Variants in P3H2 observed in about 807,000 individuals in gnomAD.
P3H2 encodes the protein leprecan-like 1.
A neutral mutation model predicts 87.0 loss-of-function variants in P3H2; 80 were observed. The ratio of observed to expected loss-of-function variants is 0.92; its 90% CI spans 0.77 to 1.11. The LOEUF (loss-of-function observed/expected upper bound fraction) is 1.11. P3H2 is among the 50% of genes least tolerant of loss of function. P3H2 has a pLI of 0.00. For synonymous variants in P3H2, 367 were observed against 359.3 expected (o/e 1.02, Z -0.24); for missense variants, 1,001 against 923.9 (o/e 1.08, Z -1.08).
chr3:189,972,817 G>A (rs960420189), intron 11 of P3H2, 57 bp downstream of exon 11: 1 of 1,587,202 alleles, frequency 6.3e-7, no homozygotes, highest in African/African-American at 1.3e-5. Context: ...GTTTTGCCTT[G>A]TTTCATTTCC....
At chr3:189,986,372 G>A (rs1413594578) in intron 6 of P3H2, among the ~76,000 whole-genome samples, 1 of 152,078 alleles carries the variant, frequency 6.6e-6, no homozygotes, top group African/African-American at 2.4e-5. Flanking sequence ...ATCACCTGAG[G>A]TCAGGAGTCC....
At chr3:190,017,292 A>G (rs896629825) in intron 1 of P3H2, among the ~76,000 whole-genome samples, 2 of 152,178 alleles carry the variant, frequency 1.3e-5, no homozygotes, top group African/African-American at 4.8e-5. Context: ...AATTCTATTT[A>G]GTAATATAAA....
chr3:189,974,487 C>A, intron 9 of P3H2, 71 bp downstream of exon 9: 1 of 1,599,646 alleles, frequency 6.3e-7, no homozygotes. Flanking sequence ...CCAGATGAGA[C>A]CAGGACCAAA....
intron 3 of P3H2, among the ~76,000 whole-genome samples, chr3:189,990,924 T>C (rs191274140): frequency 1.3e-5 from 2 of 152,314 alleles, no homozygotes; most frequent in East Asian, 3.9e-4. Context: ...TCACTAAATA[T>C]TCATCTGTGG....
chr3:189,971,854 G>A (rs567017450), intron 12 of P3H2, 36 bp downstream of exon 12: 1 of 1,271,986 alleles, frequency 7.9e-7, no homozygotes, highest in Non-Finnish European at 1.2e-6. Flanking sequence ...AAACTGTTAG[G>A]TAAAAGCTTT....
At chr3:190,061,782 G>T (rs898662634) in intron 1 of P3H2, among the ~76,000 whole-genome samples, 13 of 152,010 alleles carry the variant, frequency 8.6e-5, no homozygotes, top group Non-Finnish European at 1.6e-4. Flanking sequence ...AGGTCATGAT[G>T]AAATGGAAAG....
Position 190,014,674 on chromosome 3 carries a change from T to C in P3H2, c.481-19232A>G, listed in dbSNP as rs571857648. ...CCCACATCTTCTGGGGCTTGAGTCA[T>C]AATGAAAAGCTCACTGTCTTCTTTG... On this transcript the variant is annotated intron_variant, in intron 1 of 14. Coordinates refer to ENST00000319332, the MANE Select transcript of P3H2 (RefSeq NM_018192.4). 6.4e-4 allele frequency among the ~76,000 whole-genome samples: 97 copies of C among 152,240 alleles called. 2 individuals are homozygous for C. In the South Asian group the frequency reaches 0.019, roughly 30 times the overall value.
chr3:190,078,301 TG>T (rs1416911940), intron 1 of P3H2, among the ~76,000 whole-genome samples: 1 of 152,202 alleles, frequency 6.6e-6, no homozygotes, highest in Admixed American at 6.5e-5. Flanking sequence ...GATAAACATT[TG>T]TTGGAAGATG....
chr3:190,108,345 T>A (rs768851058), intron 1 of P3H2, among the ~76,000 whole-genome samples: 15 of 152,152 alleles, frequency 9.9e-5, no homozygotes, highest in Non-Finnish European at 2.1e-4. Context: ...CTTTACCTGT[T>A]ATATCAGTAG....
At chr3:190,088,330 G>A (rs1020775366) in intron 1 of P3H2, among the ~76,000 whole-genome samples, 2 of 152,156 alleles carry the variant, frequency 1.3e-5, no homozygotes, top group Non-Finnish European at 2.9e-5. Flanking sequence ...ACCTTAACTG[G>A]ACACATTCTT....
intron 5 of P3H2, 71 bp from the exon 6 acceptor site, chr3:189,986,948 G>T (rs1723720529): frequency 2.9e-6 from 3 of 1,029,640 alleles, no homozygotes; most frequent in Non-Finnish European, 1.5e-6. Flanking sequence ...AAATGTTCAG[G>T]TGGCAATATT....
chr3:190,092,184 G>A (rs555849505), intron 1 of P3H2, among the ~76,000 whole-genome samples: 1 of 150,016 alleles, frequency 6.7e-6, no homozygotes, highest in African/African-American at 2.5e-5. Context: ...AGTGAGCTGA[G>A]ATTGCACCAC....
At chr3:190,081,843 C>G (rs138277226) in intron 1 of P3H2, among the ~76,000 whole-genome samples, 1 of 152,290 alleles carries the variant, frequency 6.6e-6, no homozygotes, top group East Asian at 1.9e-4. Context: ...TACCCAGCCA[C>G]TCATTTTGGC....
chr3:190,106,339 T>C (rs1161697772), intron 1 of P3H2, among the ~76,000 whole-genome samples: 1 of 152,176 alleles, frequency 6.6e-6, no homozygotes, highest in East Asian at 1.9e-4. Flanking sequence ...AAGTCTGTGC[T>C]ACAGTGCGCA....
rs750783069 is a variant in P3H2 at position 189,974,620 on chromosome 3, G to T, written c.1390C>A (p.Arg464=). Residue 464 remains arginine, a synonymous_variant, in exon 9 of 15, where the codon CGG becomes AGG. Transcript: ENST00000319332. ...YNSEQLNGTQ[R]VLLDNVLSEE... is the part of the protein sequence containing the mutation. ...GACAGGACGTTATCCAGGAGAACCC[G>T]CTGAGTCCCGTTCAGCTGCTCCGAG... is the stretch of plus-strand genomic sequence containing the variant. 6.2e-7 allele frequency: 1 copy of T among 1,614,136 alleles called. No individual in the cohort carries two copies. Among genetic ancestry groups the T allele is most frequent in the Non-Finnish European group, 8.5e-7 (1 of 1,180,018 alleles).
At chr3:190,109,344 T>A (rs1711976764) in intron 1 of P3H2, among the ~76,000 whole-genome samples, 1 of 152,122 alleles carries the variant, frequency 6.6e-6, no homozygotes, top group Non-Finnish European at 1.5e-5. Context: ...TCCTCTTATT[T>A]CCCCCACTTC....
intron 13 of P3H2, among the ~76,000 whole-genome samples, chr3:189,967,809 A>G (rs985017482): frequency 6.6e-6 from 1 of 152,216 alleles, no homozygotes; most frequent in Non-Finnish European, 1.5e-5. Context: ...AGACAATTTT[A>G]ACGAGAATCC....
chr3:189,964,846 A>G (rs760319087), intron 13 of P3H2, among the ~76,000 whole-genome samples: 12 of 152,222 alleles, frequency 7.9e-5, no homozygotes, highest in African/African-American at 1.2e-4. Context: ...AGAAGAGTGT[A>G]GTGAGAGAAA....
intron 1 of P3H2, among the ~76,000 whole-genome samples, chr3:190,114,822 A>G (rs1022198361): frequency 6.6e-6 from 1 of 152,258 alleles, no homozygotes; most frequent in African/African-American, 2.4e-5. Context: ...AAGATATGAA[A>G]TCAATCTTCT....
Sources: allele counts gnomAD v4.1 joint callset (sites outside exome capture counted in the v4.1 genomes callset), GRCh38; gene constraint gnomAD v4.1.1; transcripts MANE v1.5; gene names NCBI Gene and HGNC (gene_info 2026-07-23, HGNC 2026-07-21).